The following ALG6 variants were observed in gnomAD, a reference collection of about 807,000 sequenced individuals.
ALG6 encodes ALG6 alpha-1,3-glucosyltransferase, also known as dolichyl pyrophosphate Man9GlcNAc2 alpha-1,3-glucosyltransferase.
ALG6 carries 46 observed loss-of-function variants against 66.6 expected under a neutral mutation model. That is an observed-to-expected ratio of 0.69 (90% CI 0.55 to 0.88). ALG6 has a LOEUF of 0.88. Ranked by LOEUF, ALG6 falls within the 40% of genes least tolerant of loss-of-function variation. ALG6 has a pLI of 0.00. For missense variants in ALG6, 505 were observed against 586.8 expected (o/e 0.86, Z 1.44); for synonymous variants, 185 against 203.7 (o/e 0.91, Z 0.78).
At chr1:63,419,464 G>T (rs1231856181) in intron 12 of ALG6, 24 bp downstream of exon 12, 3 of 1,486,544 alleles carry the variant, frequency 2.0e-6, no homozygotes, top group Non-Finnish European at 2.8e-6. Context: ...TTTGAAATAT[G>T]TGTTTATTTG....
At chr1:63,399,762 C>T (rs979965832) in intron 3 of ALG6, among the ~76,000 whole-genome samples, 3 of 151,942 alleles carry the variant, frequency 2.0e-5, no homozygotes, top group Admixed American at 6.6e-5. Flanking sequence ...AATGGTAACA[C>T]TCTTGAATGT....
intron 2 of ALG6, among the ~76,000 whole-genome samples, chr1:63,378,199 A>C (rs1648192736): frequency 6.6e-6 from 1 of 152,078 alleles, no homozygotes; most frequent in Non-Finnish European, 1.5e-5. Flanking sequence ...TTTGTCTGAA[A>C]ATGCCTTTAT....
intron 3 of ALG6, among the ~76,000 whole-genome samples, chr1:63,401,414 G>T (rs141981951): frequency 2.0e-5 from 3 of 151,916 alleles, no homozygotes; most frequent in Non-Finnish European, 4.4e-5. Flanking sequence ...CCCTGTAATC[G>T]CAGCACTTTG....
intron 10 of ALG6, 145 bp downstream of exon 10, chr1:63,414,291 AC>A (rs1392469530): frequency 1.2e-5 from 7 of 605,498 alleles, no homozygotes; most frequent in African/African-American, 1.9e-5. Context: ...TGGCTCTGTC[AC>A]CCAGGTTGGA....
Position 63,428,762 on chromosome 1 carries a change from C to T in ALG6, c.1088C>T (p.Pro363Leu). Residue 363 changes from proline (P) to leucine (L), a missense_variant, in exon 13 of 15, where the codon CCT (proline) becomes CTT (leucine). Physicochemically the swap from Pro to Leu is moderately conservative, Grantham distance 98. Transcript: ENST00000263440. ...LPVCLVLSEI[P>L]FMSTWFLLVS... ...GTCTGCTTAGTTTTAAGTGAAATTC[C>T]TTTTATGTCTACTTGGTTTTTACTT... is the stretch of plus-strand genomic sequence containing the variant. 1 of 1,608,262 alleles carries T rather than the reference C, an allele frequency of 6.2e-7. No individual in the cohort carries two copies. Among genetic ancestry groups the T allele is most frequent in the South Asian group, 1.1e-5 (1 of 90,060 alleles).
At chr1:63,369,500 G>A (rs900103476) in intron 1 of ALG6, among the ~76,000 whole-genome samples, 2 of 151,836 alleles carry the variant, frequency 1.3e-5, no homozygotes, top group Admixed American at 1.3e-4. Flanking sequence ...GTGGTGGTGG[G>A]TGCCTGTAAT....
intron 2 of ALG6, among the ~76,000 whole-genome samples, chr1:63,383,979 T>C (rs1648421329): frequency 6.6e-6 from 1 of 152,222 alleles, no homozygotes; most frequent in Non-Finnish European, 1.5e-5. Context: ...GTTCCAGCTA[T>C]GTTGTTGCAA....
chr1:63,419,923 T>G (rs1644565091), intron 12 of ALG6, among the ~76,000 whole-genome samples: 1 of 152,190 alleles, frequency 6.6e-6, no homozygotes, highest in African/African-American at 2.4e-5. Context: ...AGCATTAAAT[T>G]TTTTTCCTGA....
chr1:63,381,552 G>C lies in ALG6; in HGVS notation c.82+10493G>C, dbSNP rs374814897. On this transcript the variant is annotated intron_variant, in intron 2 of 14. Coordinates refer to ENST00000263440, the MANE Select transcript of ALG6 (RefSeq NM_013339.4). ...CCAGCTACTGATAGTGGGGGCTGAG[G>C]GGGGATCCCTTGAGCCCAGAAGGTC... 3.0e-4 allele frequency among the ~76,000 whole-genome samples: 46 copies of C among 152,246 alleles called. No individual in the cohort carries two copies. The East Asian group carries it at 8.5e-3, about 28-fold the overall frequency.
intron 2 of ALG6, among the ~76,000 whole-genome samples, chr1:63,384,858 A>G (rs1648449986): frequency 6.6e-6 from 1 of 152,148 alleles, no homozygotes; most frequent in Non-Finnish European, 1.5e-5. Flanking sequence ...TGCCAGTACC[A>G]TGCTGTTTTG....
At chr1:63,435,278 T>C (rs1446963870) in intron 14 of ALG6, among the ~76,000 whole-genome samples, 1 of 152,204 alleles carries the variant, frequency 6.6e-6, no homozygotes, top group African/African-American at 2.4e-5. Context: ...TATTATGACA[T>C]TTCAACCAGT....
At chr1:63,429,244 T>C (rs1644633142) in intron 14 of ALG6, 118 bp downstream of exon 14, 1 of 767,032 alleles carries the variant, frequency 1.3e-6, no homozygotes. Flanking sequence ...AATCCACTCA[T>C]TTAAAGTATA....
At chr1:63,405,803 A>G (rs567591730) in intron 5 of ALG6, among the ~76,000 whole-genome samples, 2 of 152,162 alleles carry the variant, frequency 1.3e-5, no homozygotes, top group African/African-American at 4.8e-5. Flanking sequence ...AAAGGACTGC[A>G]TGTTCAAAAT....
At chr1:63,424,470 T>C (rs940475077) in intron 12 of ALG6, among the ~76,000 whole-genome samples, 2 of 152,128 alleles carry the variant, frequency 1.3e-5, no homozygotes, top group Non-Finnish European at 2.9e-5. Flanking sequence ...GGTTGTCATT[T>C]TTTGAGTTTT....
intron 2 of ALG6, 55 bp downstream of exon 2, chr1:63,371,114 T>G: frequency 8.2e-7 from 1 of 1,223,150 alleles, no homozygotes; most frequent in Non-Finnish European, 1.2e-6. Context: ...GAATAGGTGT[T>G]TGTTTGGGGA....
At chr1:63,368,326 CCTCCCCG>C (rs952946502) in intron 1 of ALG6, among the ~76,000 whole-genome samples, 4 of 152,062 alleles carry the variant, frequency 2.6e-5, no homozygotes, top group African/African-American at 9.7e-5. Flanking sequence ...AATTAGGGTA[CCTCCCCG>C]CTTCGTACAC....
intron 2 of ALG6, among the ~76,000 whole-genome samples, chr1:63,390,040 A>T (rs900346138): frequency 2.6e-5 from 4 of 152,206 alleles, no homozygotes; most frequent in Non-Finnish European, 5.9e-5. Flanking sequence ...TGAAGCTAGC[A>T]CAGCACTGGG....
At chr1:63,402,436 G>T in intron 4 of ALG6, 93 bp downstream of exon 4, 2 of 656,598 alleles carry the variant, frequency 3.0e-6, no homozygotes, top group East Asian at 3.0e-5. Flanking sequence ...GACTAGAGGA[G>T]AGATTGCTTG....
In ALG6 at chr1:63,401,660, G is replaced by A. The variant is rs543024588; in HGVS notation, c.168-594G>A. 2.0e-5 allele frequency among the ~76,000 whole-genome samples: 3 copies of A among 151,896 alleles called. No homozygotes were observed. In the South Asian group the frequency reaches 6.2e-4, roughly 32 times the overall value. ...CCACTGCACTCCAGTCTAGGTGACGGAGCAAGATTCCGTCTCAAAAAGAAA... is the reference window on the plus strand; with the variant it reads ...CCACTGCACTCCAGTCTAGGTGACGAAGCAAGATTCCGTCTCAAAAAGAAA... On this transcript the variant is annotated intron_variant, in intron 3 of 14. Transcript: ENST00000263440.
Sources: gnomAD v4.1 joint callset for allele counts (sites outside exome capture counted in the v4.1 genomes callset) on GRCh38, gnomAD v4.1.1 for gene constraint, MANE v1.5 for transcripts, NCBI Gene and HGNC (gene_info 2026-07-23, HGNC 2026-07-21) for gene names.